RAB3C: variants seen among roughly 807,000 people sequenced by gnomAD.
RAB3C encodes the protein RAB3C, member RAS oncogene family, also known as ras-related protein Rab-3C.
Under a neutral mutation model 26.4 loss-of-function variants are expected in RAB3C, and 17 were observed. The ratio of observed to expected loss-of-function variants is 0.64; its 90% CI spans 0.44 to 0.97. The LOEUF (loss-of-function observed/expected upper bound fraction) is 0.97. Among genes scored for constraint, RAB3C ranks in the 50% least tolerant of loss-of-function variants. RAB3C has a pLI of 0.00. For missense variants in RAB3C, 242 were observed against 281.9 expected (o/e 0.86, Z 1.01); for synonymous variants, 91 against 95.9 (o/e 0.95, Z 0.30).
chr5:58,625,640 C>G (rs1187879339), intron 2 of RAB3C, among the ~76,000 whole-genome samples: 2 of 151,932 alleles, frequency 1.3e-5, no homozygotes, highest in Non-Finnish European at 2.9e-5. Flanking sequence ...GGGTGGATCA[C>G]GAGGTCAGGA....
chr5:58,588,884 A>C (rs1382058879), intron 1 of RAB3C, among the ~76,000 whole-genome samples: 1 of 152,090 alleles, frequency 6.6e-6, no homozygotes, highest in East Asian at 1.9e-4. Flanking sequence ...TTCCTTCCCA[A>C]AGACTCTCTT....
At chr5:58,648,825 T>C (rs1402261544) in intron 2 of RAB3C, among the ~76,000 whole-genome samples, 1 of 152,198 alleles carries the variant, frequency 6.6e-6, no homozygotes, top group South Asian at 2.1e-4. Context: ...TTCTGAGTCA[T>C]GTAAAGTCCA....
At chr5:58,582,386 C>T (rs957669216), upstream of RAB3C, 9 of 985,234 alleles carry the variant, frequency 9.1e-6, no homozygotes, top group Admixed American at 1.8e-4. Context: ...ATTTCTGAAC[C>T]TCGAGTTGTA....
rs147161501 is a variant in RAB3C, at chr5:58,752,666, TAAGTG to T, written c.371+26551_371+26555del. 6.4e-3 allele frequency among the ~76,000 whole-genome samples: 981 copies of T among 152,262 alleles called. 15 individuals are homozygous for T. The highest frequency in any genetic ancestry group is 0.022 in the African/African-American group (912 of 41,542). On this transcript the variant is annotated intron_variant, in intron 3 of 4. Coordinates refer to ENST00000282878, the MANE Select transcript of RAB3C (RefSeq NM_138453.4). The stretch of plus-strand genomic sequence containing the variant: ...TTGCTGATGGACTTTCTCCAGCTAT[TAAGTG>T]AAGTACCAAATAAATAGATATTGCA...
rs571323050 is a variant in RAB3C at position 58,681,527 on chromosome 5, C to T, written c.253-44475C>T. On this transcript the variant is annotated intron_variant, in intron 2 of 4. Transcript: ENST00000282878. Reference sequence around the variant, plus strand: ...AAAATTAAGATGAAGTGTCATAGAACACCTGAGTGAATACTTTTTACTTTT... The same window carrying T: ...AAAATTAAGATGAAGTGTCATAGAATACCTGAGTGAATACTTTTTACTTTT... 2.0e-4 allele frequency among the ~76,000 whole-genome samples: 31 copies of T among 152,324 alleles called. No homozygotes were observed. In the South Asian group the frequency reaches 5.2e-3, roughly 25 times the overall value.
chr5:58,845,612 A>ATATG lies in RAB3C; in HGVS notation c.497-5551_497-5550insATGT. ...ATTCTTACTATATATATATATATAT[A>ATATG]TGTGTGTGTGTGTGTGTGTATATGT... On this transcript the variant is annotated intron_variant, in intron 4 of 4. Transcript: ENST00000282878. Among the ~76,000 whole-genome samples, 29 of 81,728 alleles carry ATATG rather than the reference A, an allele frequency of 3.5e-4. 1 individual carries two copies. The highest frequency in any genetic ancestry group is 4.4e-4 in the Non-Finnish European group (18 of 41,358). The allele number at this position is 81,728 out of a possible 152,430, so 53.6% of individuals were successfully genotyped here. A position where few individuals can be genotyped will look rare whatever the true frequency, so the allele number is the denominator to read the frequency against.
rs869039335 is a variant in RAB3C, at chr5:58,813,592, TTATATATA to T, written c.372-11411_372-11404del. On this transcript the variant is annotated intron_variant, in intron 3 of 4. Coordinates refer to ENST00000282878, the MANE Select transcript of RAB3C (RefSeq NM_138453.4). ...TGTTATGGTTAATTTATATTTATAT[TTATATATA>T]TATATATATATATATATATATATAT... is the stretch of plus-strand genomic sequence containing the variant. Among the ~76,000 whole-genome samples, 291 of 47,798 alleles carry T rather than the reference TTATATATA, an allele frequency of 6.1e-3. 3 individuals are homozygous for T. The highest frequency in any genetic ancestry group is 0.03 in the East Asian group (60 of 1,990). 31.4% of individuals were successfully genotyped at this position (47,798 alleles called of 152,430 possible).
rs563010980 is a variant in RAB3C, at chr5:58,846,701, A to G, written c.497-4463A>G. On this transcript the variant is annotated intron_variant, in intron 4 of 4. Coordinates refer to ENST00000282878, the MANE Select transcript of RAB3C (RefSeq NM_138453.4). ...GCCCATAATTTAGGTGATTCTAATGAGGGTGAACCTCCAATCCTATGAAGT... is the reference window on the plus strand; with the variant it reads ...GCCCATAATTTAGGTGATTCTAATGGGGGTGAACCTCCAATCCTATGAAGT... Among the ~76,000 whole-genome samples, 9 of 152,084 alleles carry G rather than the reference A, an allele frequency of 5.9e-5. No individual in the cohort carries two copies. In the South Asian group the frequency reaches 1.9e-3, roughly 32 times the overall value.
At chr5:58,794,911 C>A (rs866211509) in intron 3 of RAB3C, among the ~76,000 whole-genome samples, 2 of 152,356 alleles carry the variant, frequency 1.3e-5, no homozygotes, top group South Asian at 2.1e-4. Flanking sequence ...ATCTGCATTG[C>A]TAACAAGCAC....
At chr5:58,766,209 C>CCAG (rs1316340557) in intron 3 of RAB3C, among the ~76,000 whole-genome samples, 1 of 151,972 alleles carries the variant, frequency 6.6e-6, no homozygotes, top group Non-Finnish European at 1.5e-5. Flanking sequence ...CCTCCACCTC[C>CCAG]CAGCTTTAAG....
intron 2 of RAB3C, among the ~76,000 whole-genome samples, chr5:58,701,094 C>T (rs970054817): frequency 3.3e-5 from 5 of 151,994 alleles, no homozygotes; most frequent in Non-Finnish European, 5.9e-5. Context: ...CTCCCAAGTT[C>T]ACAACATTCT....
chr5:58,799,233 A>G (rs1742745840), intron 3 of RAB3C, among the ~76,000 whole-genome samples: 1 of 152,242 alleles, frequency 6.6e-6, no homozygotes, highest in Non-Finnish European at 1.5e-5. Flanking sequence ...AAATAGATCA[A>G]CAACCACTGC....
chr5:58,613,521 G>A (rs1283646251), intron 1 of RAB3C, among the ~76,000 whole-genome samples: 1 of 152,060 alleles, frequency 6.6e-6, no homozygotes, highest in East Asian at 1.9e-4. Flanking sequence ...GATCACAATT[G>A]AATTGTAAAT....
chr5:58,809,499 A>G (rs1743021026), intron 3 of RAB3C, among the ~76,000 whole-genome samples: 2 of 152,130 alleles, frequency 1.3e-5, no homozygotes, highest in African/African-American at 4.8e-5. Context: ...GAAGAATTTC[A>G]GACACTACAG....
At chr5:58,761,063 T>TCA (rs3060342) in intron 3 of RAB3C, among the ~76,000 whole-genome samples, 1,489 of 144,774 alleles carry the variant, frequency 0.01, 18 homozygotes, top group African/African-American at 0.031. Context: ...TCTCTCTCTC[T>TCA]CACACACACA....
At chr5:58,679,550 C>G (rs1201201534) in intron 2 of RAB3C, among the ~76,000 whole-genome samples, 1 of 152,056 alleles carries the variant, frequency 6.6e-6, no homozygotes, top group Non-Finnish European at 1.5e-5. Context: ...ATGGTTTTTC[C>G]ACATGGAATG....
chr5:58,622,915 T>C (rs972839968), intron 2 of RAB3C, among the ~76,000 whole-genome samples: 1 of 152,182 alleles, frequency 6.6e-6, no homozygotes, highest in African/African-American at 2.4e-5. Context: ...GGAGGCCAAG[T>C]GATTTGTCAG....
chr5:58,657,114 C>A (rs1254919198), intron 2 of RAB3C, among the ~76,000 whole-genome samples: 1 of 152,122 alleles, frequency 6.6e-6, no homozygotes, highest in African/African-American at 2.4e-5. Flanking sequence ...CACTATTATT[C>A]TGAGTGAAGT....
At chr5:58,655,789 CTTTTT>C (rs34352086) in intron 2 of RAB3C, among the ~76,000 whole-genome samples, 227 of 91,642 alleles carry the variant, frequency 2.5e-3, no homozygotes, top group African/African-American at 4.8e-3. Flanking sequence ...AAACCTAACT[CTTTTT>C]TTTTTTTTTT....
Sources: allele counts gnomAD v4.1 joint callset (sites outside exome capture counted in the v4.1 genomes callset), GRCh38; gene constraint gnomAD v4.1.1; transcripts MANE v1.5; gene names NCBI Gene and HGNC (gene_info 2026-07-23, HGNC 2026-07-21).